The following TPRG1 variants were observed in gnomAD, a reference collection of about 807,000 sequenced individuals.
TPRG1 encodes tumor protein p63 regulated 1, also known as tumor protein p63-regulated gene 1 protein.
TPRG1 carries 29 observed loss-of-function variants against 29.3 expected under a neutral mutation model. That is an observed-to-expected ratio of 0.99 (90% CI 0.74 to 1.35). The LOEUF (loss-of-function observed/expected upper bound fraction) is 1.35. Among genes scored for constraint, TPRG1 ranks in the 40% most tolerant of loss-of-function variants. TPRG1 has a pLI of 0.00. For missense variants in TPRG1, 327 were observed against 335.0 expected (o/e 0.98, Z 0.19); for synonymous variants, 130 against 116.8 (o/e 1.11, Z -0.73).
At chr3:189,059,773 G>T (rs1445854318) in intron 4 of TPRG1, among the ~76,000 whole-genome samples, 2 of 152,276 alleles carry the variant, frequency 1.3e-5, no homozygotes, top group East Asian at 3.9e-4. Flanking sequence ...TGATAGTCTG[G>T]AATGAAAGGT....
intron 2 of TPRG1, chr3:189,132,368 G>C (rs1578467212): frequency 6.6e-6 from 1 of 152,352 alleles, no homozygotes; most frequent in East Asian, 1.9e-4. Flanking sequence ...AAGCGTGTTT[G>C]ATCGCGTGCT....
intron 4 of TPRG1, among the ~76,000 whole-genome samples, chr3:189,290,766 C>T (rs1208755635): frequency 6.6e-6 from 1 of 152,154 alleles, no homozygotes; most frequent in East Asian, 1.9e-4. Context: ...GGCTGAGACC[C>T]TCTCATAATA....
At chr3:189,208,292 T>A (rs1246652452) in intron 2 of TPRG1, among the ~76,000 whole-genome samples, 2 of 152,230 alleles carry the variant, frequency 1.3e-5, no homozygotes, top group Non-Finnish European at 2.9e-5. Context: ...CTCTTTCCAA[T>A]CCTTCAACAT....
intron 3 of TPRG1, among the ~76,000 whole-genome samples, chr3:189,137,133 T>C (rs1723848922): frequency 6.6e-6 from 1 of 152,196 alleles, no homozygotes; most frequent in African/African-American, 2.4e-5. Flanking sequence ...AAGACTGTGA[T>C]TTTGCCACGC....
intron 3 of TPRG1, among the ~76,000 whole-genome samples, chr3:189,237,587 G>C (rs996946623): frequency 6.6e-6 from 1 of 152,174 alleles, no homozygotes; most frequent in Non-Finnish European, 1.5e-5. Flanking sequence ...AACAATGAGT[G>C]GTTTCAGCGT....
At chr3:189,055,200 T>TA (rs1715583356) in intron 4 of TPRG1, among the ~76,000 whole-genome samples, 1 of 152,224 alleles carries the variant, frequency 6.6e-6, no homozygotes, top group South Asian at 2.1e-4. Flanking sequence ...ATGCCCAGTC[T>TA]AAAAGTACCA....
chr3:189,116,337 C>T lies in TPRG1; in HGVS notation c.-743-10720C>T, dbSNP rs575775871. ...GATTGCAGGCGTCCACCACCATGCC[C>T]GGCTAATTTTTTTGTATTTTTAGTA... is the stretch of plus-strand genomic sequence containing the variant. On this transcript the variant is annotated intron_variant, in intron 1 of 6. Transcript: ENST00000412373. 1.2e-4 allele frequency among the ~76,000 whole-genome samples: 18 copies of T among 152,062 alleles called. No individual in the cohort carries two copies. In the East Asian group the frequency reaches 1.9e-3, roughly 16 times the overall value.
upstream of TPRG1, among the ~76,000 whole-genome samples, chr3:189,170,060 C>T (rs927686462): frequency 1.1e-4 from 16 of 152,186 alleles, no homozygotes; most frequent in Admixed American, 5.9e-4. Flanking sequence ...GTTTCTTGCC[C>T]TTTAAAATAG....
chr3:189,194,910 G>A (rs1438508264), intron 1 of TPRG1, among the ~76,000 whole-genome samples: 1 of 152,160 alleles, frequency 6.6e-6, no homozygotes, highest in Non-Finnish European at 1.5e-5. Flanking sequence ...TCCCCAGGAA[G>A]AGGGGTGTCT....
At chr3:189,269,224 G>C (rs1420986892) in intron 4 of TPRG1, among the ~76,000 whole-genome samples, 12 of 151,574 alleles carry the variant, frequency 7.9e-5, no homozygotes. Context: ...CAATGTTTTG[G>C]GTACTCCAGT....
chr3:189,163,947 CA>C (rs1038674294), intron 5 of TPRG1, among the ~76,000 whole-genome samples: 2 of 121,750 alleles, frequency 1.6e-5, no homozygotes, highest in African/African-American at 8.6e-5. Context: ...CTTTGGTTCT[CA>C]AAAAATATGC....
chr3:189,064,158 A>G (rs1169942714), intron 4 of TPRG1, among the ~76,000 whole-genome samples: 1 of 152,196 alleles, frequency 6.6e-6, no homozygotes, highest in Non-Finnish European at 1.5e-5. Context: ...ATAGGGATAT[A>G]GTATCCGTAG....
intron 4 of TPRG1, among the ~76,000 whole-genome samples, chr3:189,249,338 G>T (rs1403091391): frequency 6.6e-6 from 1 of 151,758 alleles, no homozygotes; most frequent in African/African-American, 2.4e-5. Context: ...TCATTATAGA[G>T]TTTAATTACT....
At chr3:189,222,926 C>T (rs1161385184) in intron 3 of TPRG1, among the ~76,000 whole-genome samples, 1 of 152,178 alleles carries the variant, frequency 6.6e-6, no homozygotes, top group Non-Finnish European at 1.5e-5. Context: ...CTAACCCGGC[C>T]TTCTCCTGTC....
At chr3:189,159,840 ATGTGTG>A (rs57781182) in intron 5 of TPRG1, among the ~76,000 whole-genome samples, 33 of 138,574 alleles carry the variant, frequency 2.4e-4, no homozygotes, top group African/African-American at 6.0e-4. Flanking sequence ...GTGTTTGTGT[ATGTGTG>A]TGTGTGTGTG....
At chr3:189,083,221 G>A (rs189593530) in intron 4 of TPRG1, among the ~76,000 whole-genome samples, 237 of 152,284 alleles carry the variant, frequency 1.6e-3, no homozygotes, top group African/African-American at 5.5e-3. Context: ...CATTGATACT[G>A]CATGGAAGCC....
intron 4 of TPRG1, among the ~76,000 whole-genome samples, chr3:189,065,862 CTA>C (rs1716406165): frequency 2.0e-5 from 3 of 151,902 alleles, no homozygotes; most frequent in Admixed American, 6.6e-5. Flanking sequence ...AGGAATAAAA[CTA>C]TAATTTTTTG....
chr3:189,031,460 A>G (rs1394912460), intron 4 of TPRG1, among the ~76,000 whole-genome samples: 1 of 152,198 alleles, frequency 6.6e-6, no homozygotes, highest in Non-Finnish European at 1.5e-5. Flanking sequence ...TTACTTAGAT[A>G]TTAACATCTC....
chr3:189,320,662 C>A lies in TPRG1; in HGVS notation c.670C>A (p.Gln224Lys). Residue 224 changes from glutamine to lysine, a missense_variant, in exon 6 of 6, where the codon CAG becomes AAG. By Grantham distance (53) the Gln-to-Lys change is moderately conservative. Transcript: ENST00000345063. ...GFMSKLVPAI[Q>K]NAHKNSTGSG... ...CATGTCTAAGCTTGTTCCAGCTATC[C>A]AGAATGCCCACAAGAATTCAACTGG... 1 of 1,611,468 alleles carries A rather than the reference C, an allele frequency of 6.2e-7. No homozygotes were observed. Among genetic ancestry groups the A allele is most frequent in the Non-Finnish European group, 8.5e-7 (1 of 1,178,774 alleles).
Sources: allele counts gnomAD v4.1 joint callset (sites outside exome capture counted in the v4.1 genomes callset), GRCh38; gene constraint gnomAD v4.1.1; transcripts MANE v1.5; gene names NCBI Gene and HGNC (gene_info 2026-07-23, HGNC 2026-07-21).